ARHGAP39: variants seen among roughly 807,000 people sequenced by gnomAD.
The protein encoded by ARHGAP39 is rho GTPase-activating protein 39.
ARHGAP39 carries 44 observed loss-of-function variants against 106.9 expected under a neutral mutation model. The ratio of observed to expected loss-of-function variants is 0.41; its 90% CI spans 0.32 to 0.53. The LOEUF is 0.53. ARHGAP39 is among the 20% of genes least tolerant of loss of function. The pLI is 0.21. For missense variants in ARHGAP39, 1,496 were observed against 1,577.3 expected, an observed-to-expected ratio of 0.95 and a Z score of 0.87; for synonymous variants, 768 against 693.2, an observed-to-expected ratio of 1.11 and a Z score of -1.69.
intron 1 of ARHGAP39, among the ~76,000 whole-genome samples, chr8:144,621,108 C>T (rs1271581717): frequency 6.6e-6 from 1 of 152,290 alleles, no homozygotes. Flanking sequence ...GTGGCCCAAG[C>T]CCCAGCCTGC....
intron 1 of ARHGAP39, among the ~76,000 whole-genome samples, chr8:144,633,807 G>C (rs1821121651): frequency 6.6e-6 from 1 of 152,182 alleles, no homozygotes; most frequent in Admixed American, 6.5e-5. Context: ...CCCCAGAGCA[G>C]CCAGGACTAC....
intron 3 of ARHGAP39, among the ~76,000 whole-genome samples, chr8:144,576,463 C>T (rs956575876): frequency 6.6e-6 from 1 of 152,092 alleles, no homozygotes; most frequent in African/African-American, 2.4e-5. Flanking sequence ...ATGGACACTC[C>T]AGTCCCCAGA....
chr8:144,619,700 G>C (rs1215333147), intron 1 of ARHGAP39, among the ~76,000 whole-genome samples: 1 of 151,234 alleles, frequency 6.6e-6, no homozygotes, highest in Non-Finnish European at 1.5e-5. Context: ...ATGAGAGCTT[G>C]TGTGTCCCTG....
At chr8:144,680,580 G>A (rs542101106) in intron 1 of ARHGAP39, among the ~76,000 whole-genome samples, 2 of 152,192 alleles carry the variant, frequency 1.3e-5, no homozygotes, top group South Asian at 2.1e-4. Flanking sequence ...GCACTACAAT[G>A]TACGTACAAC....
intron 3 of ARHGAP39, among the ~76,000 whole-genome samples, chr8:144,560,813 T>G (rs1034530167): frequency 6.6e-6 from 1 of 152,192 alleles, no homozygotes; most frequent in African/African-American, 2.4e-5. Context: ...CACAACAGAC[T>G]CAACTTACAC....
chr8:144,658,863 TG>T (rs1253572508), intron 1 of ARHGAP39, among the ~76,000 whole-genome samples: 7 of 152,166 alleles, frequency 4.6e-5, no homozygotes, highest in African/African-American at 1.7e-4. Context: ...TAAATATTAA[TG>T]TTTAATATTG....
rs989479543 is a variant in ARHGAP39 at position 144,675,858 on chromosome 8, T to C, written c.-82+9828A>G. On this transcript the variant is annotated intron_variant, in intron 1 of 11. Coordinates refer to ENST00000377307, the MANE Select transcript of ARHGAP39 (RefSeq NM_025251.3). ...AGTGCATCTGGAGTTGTTCGTTCCC[T>C]CCGGTGGGTTCGTGGTCTTCCTGGC... Among the ~76,000 whole-genome samples, 6 of 148,546 alleles carry C rather than the reference T, an allele frequency of 4.0e-5. No homozygotes were observed. In the East Asian group the frequency reaches 6.0e-4, roughly 15 times the overall value.
chr8:144,655,092 C>G (rs2129661098), intron 1 of ARHGAP39, among the ~76,000 whole-genome samples: 1 of 152,266 alleles, frequency 6.6e-6, no homozygotes, highest in East Asian at 1.9e-4. Flanking sequence ...GGTCTGAGCC[C>G]AGGTGCCATG....
At chr8:144,601,637 T>G (rs1391990268) in intron 2 of ARHGAP39, among the ~76,000 whole-genome samples, 3 of 136,552 alleles carry the variant, frequency 2.2e-5, no homozygotes, top group Non-Finnish European at 4.6e-5. Flanking sequence ...CGTGCATGTG[T>G]GCTCGTGTAC....
chr8:144,547,239 T>G lies in ARHGAP39; in HGVS notation c.1847A>C (p.His616Pro), dbSNP rs766323476. The change falls in exon 5 of 12, where the codon CAC becomes CCC. Residue 616 changes from histidine to proline, a missense_variant. By Grantham distance (77) the His-to-Pro change is moderately conservative. Around this residue, in one of 4 missense-constraint regions of ARHGAP39, gnomAD observed 905 missense variants for 816.4 expected, o/e 1.11. Transcript: ENST00000377307. This position sits in a 1 kb window ranked among gnomAD's most constrained non-coding sequence, Gnocchi z 5.2. ...DEALAQQENR[H>P]WRRGTFEKLG... ...CTTCTCGAAGGTGCCCCTCCTCCAG[T>G]GCCTGTTCTCCTGCTGGGCCAGCGC... 1 of 1,612,532 alleles carries G rather than the reference T, an allele frequency of 6.2e-7. No homozygotes were observed. The highest frequency in any genetic ancestry group is 8.5e-7 in the Non-Finnish European group (1 of 1,179,816).
At chr8:144,602,877 T>C (rs62643712) in intron 2 of ARHGAP39, among the ~76,000 whole-genome samples, 123,691 of 126,624 alleles carry the variant, frequency 0.98, 60,517 homozygotes, top group Non-Finnish European at 0.99. Context: ...TGTGCATGTG[T>C]GTGGTGTGTG....
At chr8:144,633,027 A>G (rs1821100387) in intron 1 of ARHGAP39, among the ~76,000 whole-genome samples, 1 of 152,204 alleles carries the variant, frequency 6.6e-6, no homozygotes, top group African/African-American at 2.4e-5. Context: ...CTGTAATCCC[A>G]GCTTCCTGGG....
At chr8:144,595,308 G>C (rs1055235009) in intron 2 of ARHGAP39, among the ~76,000 whole-genome samples, 2 of 152,222 alleles carry the variant, frequency 1.3e-5, no homozygotes, top group African/African-American at 4.8e-5. Context: ...GATGGACCTG[G>C]GGCATGTCGA....
At chr8:144,627,188 G>A (rs1182080230) in intron 1 of ARHGAP39, among the ~76,000 whole-genome samples, 1 of 152,330 alleles carries the variant, frequency 6.6e-6, no homozygotes, top group Admixed American at 6.5e-5. Flanking sequence ...AGGGACAGGC[G>A]GGGGACACAG....
chr8:144,609,881 G>A (rs555670573), intron 1 of ARHGAP39, among the ~76,000 whole-genome samples: 77 of 152,210 alleles, frequency 5.1e-4, no homozygotes, highest in African/African-American at 1.7e-3. Context: ...ATTCCTGGGC[G>A]AGTTTATATA....
rs998104303 is a variant in ARHGAP39, at chr8:144,670,256, G to A, written c.-82+15430C>T. ...CTGGATGAGGGCCTGGGACCAGGCG[G>A]CTGTAAAAAGCAACAGAGCTCGGAC... On this transcript the variant is annotated intron_variant, in intron 1 of 11. Coordinates refer to ENST00000377307, the MANE Select transcript of ARHGAP39 (RefSeq NM_025251.3). This position sits in a 1 kb window ranked among gnomAD's most constrained non-coding sequence, Gnocchi z 4.4. 6.6e-6 allele frequency among the ~76,000 whole-genome samples: 1 copy of A among 152,186 alleles called. No homozygotes were observed. The highest frequency in any genetic ancestry group is 2.4e-5 in the African/African-American group (1 of 41,444).
chr8:144,616,928 A>G (rs1454203117), intron 1 of ARHGAP39, among the ~76,000 whole-genome samples: 1 of 152,218 alleles, frequency 6.6e-6, no homozygotes, highest in Non-Finnish European at 1.5e-5. Context: ...AAAACAAAAC[A>G]ATGCTGGGAG....
At chr8:144,605,469 C>T (rs1455886673) in intron 2 of ARHGAP39, 66 bp downstream of exon 2, 1 of 1,515,278 alleles carries the variant, frequency 6.6e-7, no homozygotes, top group Non-Finnish European at 9.1e-7. Flanking sequence ...GCTTTCTCTG[C>T]AGGAAGAAAG....
chr8:144,544,295 C>T (rs980696937), intron 6 of ARHGAP39, among the ~76,000 whole-genome samples: 1 of 152,230 alleles, frequency 6.6e-6, no homozygotes, highest in Non-Finnish European at 1.5e-5. Context: ...CACCCTGCCT[C>T]TGTGTGCCCA....
Sources: gnomAD v4.1 joint callset for allele counts (sites outside exome capture counted in the v4.1 genomes callset) on GRCh38, gnomAD v4.1.1 for gene constraint, gnomAD v4.1.1 regional missense constraint, Gnocchi (gnomAD v3.1) non-coding constraint, MANE v1.5 for transcripts, NCBI Gene and HGNC (gene_info 2026-07-23, HGNC 2026-07-21) for gene names.